Variants in ADGRB1 observed in about 807,000 individuals in gnomAD.
ADGRB1 encodes the protein adhesion G protein-coupled receptor B1.
Under a neutral mutation model 175.7 loss-of-function variants are expected in ADGRB1, and 36 were observed. The ratio of observed to expected loss-of-function variants is 0.20; its 90% CI spans 0.16 to 0.27. The LOEUF is 0.27. ADGRB1 is among the 10% of genes least tolerant of loss of function. The pLI, the probability that ADGRB1 is intolerant of heterozygous loss-of-function variation, is 1.00. For synonymous variants in ADGRB1, 1,054 were observed against 979.4 expected (o/e 1.08, Z -1.42); for missense variants, 1,731 against 2,255.3 (o/e 0.77, Z 4.71).
Position 142,478,308 on chromosome 8 carries a change from G to A in ADGRB1, c.1509G>A (p.Glu503=). The A allele has an allele frequency of 6.2e-7, 1 of 1,610,588 alleles. No homozygotes were observed. The highest frequency in any genetic ancestry group is 8.5e-7 in the Non-Finnish European group (1 of 1,178,956). The change falls in exon 7 of 31, where the codon GAG becomes GAA. Residue 503 remains glutamate, a synonymous_variant. Coordinates refer to ENST00000517894, the MANE Select transcript of ADGRB1 (RefSeq NM_001702.3). ...ECNGPSYGGA[E]CQGHWVETRD... ...ACGGGCCTTCCTACGGGGGTGCGGA[G>A]TGCCAGGGCCACTGGGTGGAGACCC...
At chr8:142,539,442 GCCAGCCCGGCCC>G in intron 27 of ADGRB1, 29 bp downstream of exon 27, 1 of 1,597,736 alleles carries the variant, frequency 6.3e-7, no homozygotes, top group South Asian at 1.1e-5. Flanking sequence ...AGAGGACAGT[GCCAGCCCGGCCC>G]CCTGCATGGC....
rs1005181382 is a variant in ADGRB1, at chr8:142,504,584, G to A, written c.2676-6348G>A. Among the ~76,000 whole-genome samples the A allele has an allele frequency of 1.3e-5, 2 of 152,250 alleles. No individual in the cohort carries two copies. The highest frequency in any genetic ancestry group is 1.5e-5 in the Non-Finnish European group (1 of 67,984). Reference sequence around the variant, plus strand: ...CAGGAGCAATGCCCAGGAGCTCATGGAAGGGCAGGGGGGAAGTCTGGTTAT... The same window carrying A: ...CAGGAGCAATGCCCAGGAGCTCATGAAAGGGCAGGGGGGAAGTCTGGTTAT... On this transcript the variant is annotated intron_variant, in intron 17 of 30. Coordinates refer to ENST00000517894, the MANE Select transcript of ADGRB1 (RefSeq NM_001702.3). This position sits in a 1 kb window ranked among gnomAD's most constrained non-coding sequence, Gnocchi z 5.6.
At chr8:142,486,476 A>T (rs1353098488) in intron 13 of ADGRB1, among the ~76,000 whole-genome samples, 1 of 152,204 alleles carries the variant, frequency 6.6e-6, no homozygotes, top group African/African-American at 2.4e-5. Context: ...ATCTCGGCAC[A>T]AGGTGCTTGG....
At chr8:142,526,509 A>ACCCC in intron 23 of ADGRB1, 33 bp from the exon 24 acceptor site, 8 of 463,078 alleles carry the variant, frequency 1.7e-5, no homozygotes, top group South Asian at 3.3e-5. Flanking sequence ...GGCGGCCCCC[A>ACCCC]CCCCCACACC....
At chr8:142,489,682 A>G (rs917677544) in intron 16 of ADGRB1, among the ~76,000 whole-genome samples, 4 of 152,142 alleles carry the variant, frequency 2.6e-5, no homozygotes, top group East Asian at 1.9e-4. Context: ...CTGGGCTCCA[A>G]CCACTCTGCC....
At position 142,537,194 on chromosome 8, in the gene ADGRB1, GAGA is replaced by G; in HGVS notation, c.3666+113_3666+115del. Reference sequence around the variant, plus strand: ...TCCCCTAGGCCCCAGCAACCCTGCTGAGAGGAGCTCTGAACCCAGTGTGCAGTT... The same window carrying G: ...TCCCCTAGGCCCCAGCAACCCTGCTGGGAGCTCTGAACCCAGTGTGCAGTT... On this transcript the variant is annotated intron_variant, in intron 26 of 30. Coordinates refer to ENST00000517894, the MANE Select transcript of ADGRB1 (RefSeq NM_001702.3). The surrounding 1 kb of genome is among the most constrained non-coding windows in gnomAD (Gnocchi z 4.6). The G allele has an allele frequency of 1.2e-6, 1 of 825,070 alleles. No homozygotes were observed. Among genetic ancestry groups the G allele is most frequent in the Non-Finnish European group, 1.8e-6 (1 of 571,260 alleles). The allele number at this position is 825,070 out of a possible 1,614,324, so 51.1% of individuals were successfully genotyped here.
At chr8:142,531,991 G>A (rs545120378) in intron 24 of ADGRB1, among the ~76,000 whole-genome samples, 1 of 152,272 alleles carries the variant, frequency 6.6e-6, no homozygotes, top group East Asian at 1.9e-4. Context: ...AGCAGAGCGT[G>A]TGGTTTTGGA....
chr8:142,469,298 C>T (rs114305197), intron 2 of ADGRB1, among the ~76,000 whole-genome samples: 177 of 139,986 alleles, frequency 1.3e-3, no homozygotes, highest in African/African-American at 4.3e-3. Flanking sequence ...TGTGTGCACG[C>T]GTGCATGTGT....
Position 142,479,566 on chromosome 8 carries a change from C to A in ADGRB1, c.1726+79C>A, listed in dbSNP as rs995656628. 5.3e-6 allele frequency: 8 copies of A among 1,517,324 alleles called. No homozygotes were observed. In the South Asian group the frequency reaches 8.9e-5, roughly 17 times the overall value. 94.0% of individuals were successfully genotyped at this position (1,517,324 alleles called of 1,614,324 possible). On this transcript the variant is annotated intron_variant, in intron 8 of 30. Transcript: ENST00000517894. Reference sequence around the variant, plus strand: ...CGGGCTTGGGCTCAGCTGTCACCCACGTGGTGTGTTGGGGGCTCCCGTCCT... The same window carrying A: ...CGGGCTTGGGCTCAGCTGTCACCCAAGTGGTGTGTTGGGGGCTCCCGTCCT...
At chr8:142,534,693 G>A (rs1036226916) in intron 25 of ADGRB1, among the ~76,000 whole-genome samples, 1 of 152,220 alleles carries the variant, frequency 6.6e-6, no homozygotes, top group African/African-American at 2.4e-5. Context: ...CAGAGCTCCT[G>A]TTGGAGTTGC....
Position 142,477,191 on chromosome 8 carries a change from C to T in ADGRB1, c.1135C>T (p.Arg379Cys). 5 of 1,596,736 alleles carry T rather than the reference C, an allele frequency of 3.1e-6. No individual in the cohort carries two copies. The highest frequency in any genetic ancestry group is 4.2e-6 in the Non-Finnish European group (5 of 1,177,842). ...TCGEGWQTRT[R>C]FCVSSSYSTQ... ...CGGCGAGGGCTGGCAGACCCGCACGCGCTTCTGCGTGTCCTCCTCCTACAG... is the reference window on the plus strand; with the variant it reads ...CGGCGAGGGCTGGCAGACCCGCACGTGCTTCTGCGTGTCCTCCTCCTACAG... The change falls in exon 5 of 31, where the codon CGC becomes TGC. Residue 379 changes from arginine (R) to cysteine (C), a missense_variant. Physicochemically the swap from Arg to Cys is radical, Grantham distance 180. Coordinates refer to ENST00000517894, the MANE Select transcript of ADGRB1 (RefSeq NM_001702.3).
chr8:142,539,150 A>G (rs1241293166), intron 26 of ADGRB1, among the ~76,000 whole-genome samples: 3 of 152,144 alleles, frequency 2.0e-5, no homozygotes, highest in African/African-American at 7.2e-5. Flanking sequence ...ACAAACACGC[A>G]CGCATACACT....
At chr8:142,526,675 C>G (rs1480618889) in intron 24 of ADGRB1, 48 bp downstream of exon 24, 1 of 1,543,746 alleles carries the variant, frequency 6.5e-7, no homozygotes. Flanking sequence ...GTGCAAGACC[C>G]AGAGCCCACC....
intron 18 of ADGRB1, among the ~76,000 whole-genome samples, chr8:142,513,040 C>CG (rs527834266): frequency 1.2e-3 from 183 of 150,576 alleles, no homozygotes; most frequent in African/African-American, 4.2e-3. Flanking sequence ...TGGCTGCTGT[C>CG]GGGGGGCGCT....
At chr8:142,465,653 G>A (rs375629119) in intron 2 of ADGRB1, among the ~76,000 whole-genome samples, 6 of 152,156 alleles carry the variant, frequency 3.9e-5, no homozygotes, top group African/African-American at 1.4e-4. Context: ...CCCTAAGCAC[G>A]AAGACACGAG....
intron 1 of ADGRB1, among the ~76,000 whole-genome samples, chr8:142,450,374 A>C (rs1426218420): frequency 6.6e-6 from 1 of 151,338 alleles, no homozygotes; most frequent in Non-Finnish European, 1.5e-5. Flanking sequence ...CCCTGGACGC[A>C]GGAGAGGCTC....
chr8:142,514,415 TG>T (rs1382647719), intron 18 of ADGRB1, among the ~76,000 whole-genome samples: 1 of 152,088 alleles, frequency 6.6e-6, no homozygotes, highest in Non-Finnish European at 1.5e-5. Context: ...GCCGGAAGGT[TG>T]AGTAACCGCT....
intron 25 of ADGRB1, among the ~76,000 whole-genome samples, chr8:142,536,243 T>G (rs1229935939): frequency 1.4e-5 from 2 of 142,970 alleles, no homozygotes; most frequent in Non-Finnish European, 3.1e-5. Flanking sequence ...CTTTATATAC[T>G]GTTACCACCG....
rs561721554 is a variant in ADGRB1, at chr8:142,483,804, G to A, written c.2131-173G>A. On this transcript the variant is annotated intron_variant, in intron 11 of 30. Transcript: ENST00000517894. ...TGAGCCTCGATCCTGGTTACACACT[G>A]AACCCTGGCTCTGGTCACAGTGAGC... Among the ~76,000 whole-genome samples the A allele has an allele frequency of 5.3e-5, 8 of 151,422 alleles. No homozygotes were observed. The South Asian group carries it at 1.2e-3, about 24-fold the overall frequency.
Sources: allele counts gnomAD v4.1 joint callset (sites outside exome capture counted in the v4.1 genomes callset), GRCh38; gene constraint gnomAD v4.1.1; non-coding constraint Gnocchi (gnomAD v3.1); transcripts MANE v1.5; gene names NCBI Gene and HGNC (gene_info 2026-07-23, HGNC 2026-07-21).